The following CSMD1 variants were observed in gnomAD, a reference collection of about 807,000 sequenced individuals.
CSMD1 encodes CUB and sushi domain-containing protein 1.
In CSMD1, 213 loss-of-function variants were observed where a neutral mutation model predicts 417.5. The observed-to-expected ratio is 0.51, with a 90% CI of 0.46 to 0.57. CSMD1 has a LOEUF of 0.57. Among genes scored for constraint, CSMD1 ranks in the 20% least tolerant of loss-of-function variants. The pLI is 0.00. For synonymous variants in CSMD1, 2,862 were observed against 1,736.8 expected (o/e 1.65, Z -16.11); for missense variants, 6,923 against 4,529.7 (o/e 1.53, Z -15.17).
chr8:4,455,624 G>A (rs1585105970), intron 2 of CSMD1, among the ~76,000 whole-genome samples: 1 of 151,846 alleles, frequency 6.6e-6, no homozygotes, highest in Admixed American at 6.6e-5. Flanking sequence ...TCTCTTTCAG[G>A]AGGAAAAACA....
At chr8:3,724,937 C>T (rs946879146) in intron 6 of CSMD1, among the ~76,000 whole-genome samples, 1 of 152,166 alleles carries the variant, frequency 6.6e-6, no homozygotes, top group Non-Finnish European at 1.5e-5. Flanking sequence ...TGTACAAATT[C>T]TTTTTAAAAT....
intron 3 of CSMD1, among the ~76,000 whole-genome samples, chr8:4,199,073 G>T (rs933914819): frequency 3.9e-5 from 6 of 152,034 alleles, no homozygotes; most frequent in African/African-American, 1.4e-4. Context: ...AACCCCTGAG[G>T]TAGTAGAGCC....
chr8:2,989,620 C>A (rs1486112572), intron 54 of CSMD1, among the ~76,000 whole-genome samples: 1 of 152,102 alleles, frequency 6.6e-6, no homozygotes, highest in Non-Finnish European at 1.5e-5. Context: ...TTAAGCTGTG[C>A]AACAGACATG....
At chr8:3,842,377 TAAAC>T (rs1158864665) in intron 5 of CSMD1, among the ~76,000 whole-genome samples, 4 of 150,030 alleles carry the variant, frequency 2.7e-5, no homozygotes, top group Non-Finnish European at 5.9e-5. Flanking sequence ...AATGTATACT[TAAAC>T]AAAAATCCTG....
chr8:3,103,399 G>A (rs557391655), intron 46 of CSMD1, among the ~76,000 whole-genome samples: 2 of 152,124 alleles, frequency 1.3e-5, no homozygotes, highest in Non-Finnish European at 2.9e-5. Flanking sequence ...AAGCCATATG[G>A]TGTAGCCTAT....
chr8:3,330,989 G>A (rs907661867), intron 23 of CSMD1, among the ~76,000 whole-genome samples: 10 of 152,092 alleles, frequency 6.6e-5, no homozygotes, highest in Non-Finnish European at 1.5e-4. Flanking sequence ...GGTGGCTCAC[G>A]CCTGTAATCC....
chr8:4,700,189 T>C lies in CSMD1; in HGVS notation c.86-62631A>G, dbSNP rs552429118. On this transcript the variant is annotated intron_variant, in intron 1 of 69. Coordinates refer to ENST00000635120, the MANE Select transcript of CSMD1 (RefSeq NM_033225.6). The stretch of plus-strand genomic sequence containing the variant: ...TTCAGTTCATGTTTATGAAACAAAA[T>C]CTTGAAATCTTAGAAAAATAATAAA... 4.6e-5 allele frequency among the ~76,000 whole-genome samples: 7 copies of C among 152,220 alleles called. No homozygotes were observed. The South Asian group carries it at 1.5e-3, about 32-fold the overall frequency.
At chr8:3,701,462 G>A (rs987013920) in intron 7 of CSMD1, among the ~76,000 whole-genome samples, 9 of 151,998 alleles carry the variant, frequency 5.9e-5, no homozygotes, top group African/African-American at 2.2e-4. Flanking sequence ...GCTAAACTCA[G>A]AGGCTGACAT....
rs559110679 is a variant in CSMD1, at chr8:4,513,257, G to A, written c.303-93192C>T. Among the ~76,000 whole-genome samples the A allele has an allele frequency of 1.1e-3, 167 of 152,234 alleles. 1 individual carries two copies. Among genetic ancestry groups the A allele is most frequent in the African/African-American group, 3.9e-3 (162 of 41,548 alleles). On this transcript the variant is annotated intron_variant, in intron 2 of 69. Coordinates refer to ENST00000635120, the MANE Select transcript of CSMD1 (RefSeq NM_033225.6). ...GATCCTGTATGTGTGGGGACAGGGG[G>A]TATATAAATTTTTTTTAACCTTCCC...
intron 48 of CSMD1, among the ~76,000 whole-genome samples, chr8:3,088,131 G>C (rs1301193054): frequency 1.3e-5 from 2 of 152,148 alleles, no homozygotes; most frequent in Non-Finnish European, 2.9e-5. Flanking sequence ...TTTGTAAGGA[G>C]ACATTTTAAA....
intron 18 of CSMD1, chr8:3,373,869 G>A (rs1310856287): frequency 6.6e-6 from 1 of 151,956 alleles, no homozygotes; most frequent in Non-Finnish European, 1.5e-5. Context: ...GGAGGACTAA[G>A]ATATGCAGAA....
chr8:4,768,824 C>G (rs1230244318), intron 1 of CSMD1, among the ~76,000 whole-genome samples: 1 of 152,132 alleles, frequency 6.6e-6, no homozygotes, highest in Non-Finnish European at 1.5e-5. Context: ...GAAATAGAAG[C>G]AGTTATTATT....
chr8:3,765,819 C>T (rs955670036), intron 5 of CSMD1, among the ~76,000 whole-genome samples: 1 of 152,138 alleles, frequency 6.6e-6, no homozygotes, highest in Non-Finnish European at 1.5e-5. Context: ...TCTCAGGAAT[C>T]CAGTGGGGAC....
Position 3,955,537 on chromosome 8 carries a change from G to C in CSMD1, c.818+42366C>G, listed in dbSNP as rs538435279. On this transcript the variant is annotated intron_variant, in intron 5 of 69. Coordinates refer to ENST00000635120, the MANE Select transcript of CSMD1 (RefSeq NM_033225.6). The stretch of plus-strand genomic sequence containing the variant: ...AGCCAACCTCTAATAAGTCAGTAGA[G>C]GATTTGGCGTCTGAAAAAATGTTTA... Among the ~76,000 whole-genome samples, 5 of 152,266 alleles carry C rather than the reference G, an allele frequency of 3.3e-5. No homozygotes were observed. In the East Asian group the frequency reaches 7.7e-4, roughly 24 times the overall value.
intron 3 of CSMD1, among the ~76,000 whole-genome samples, chr8:4,319,822 C>T (rs1238887440): frequency 6.6e-6 from 1 of 152,038 alleles, no homozygotes; most frequent in Admixed American, 6.6e-5. Flanking sequence ...AGAGGACCCT[C>T]GGGGTCTTCA....
chr8:4,019,216 G>A lies in CSMD1; in HGVS notation c.610+12689C>T, dbSNP rs568172568. On this transcript the variant is annotated intron_variant, in intron 4 of 69. Coordinates refer to ENST00000635120, the MANE Select transcript of CSMD1 (RefSeq NM_033225.6). ...TTTATTATGGACAATAAACCTGAGAGAGGCTCCTGGCTGAGTTAGGTCAGA... is the reference window on the plus strand; with the variant it reads ...TTTATTATGGACAATAAACCTGAGAAAGGCTCCTGGCTGAGTTAGGTCAGA... Among the ~76,000 whole-genome samples, 14 of 152,308 alleles carry A rather than the reference G, an allele frequency of 9.2e-5. No individual in the cohort carries two copies. The South Asian group carries it at 2.3e-3, about 25-fold the overall frequency.
At chr8:3,152,723 T>A (rs1166953804) in intron 39 of CSMD1, among the ~76,000 whole-genome samples, 2 of 152,200 alleles carry the variant, frequency 1.3e-5, no homozygotes, top group Non-Finnish European at 2.9e-5. Context: ...TTGGACACCA[T>A]CAACTGTGTT....
intron 7 of CSMD1, among the ~76,000 whole-genome samples, chr8:3,625,937 T>G (rs994777098): frequency 4.6e-5 from 7 of 152,210 alleles, no homozygotes; most frequent in African/African-American, 1.7e-4. Context: ...AGAAAATGTT[T>G]TCCTTATAAA....
chr8:3,689,842 A>T (rs117091009), intron 7 of CSMD1, among the ~76,000 whole-genome samples: 1 of 152,240 alleles, frequency 6.6e-6, no homozygotes, highest in African/African-American at 2.4e-5. Flanking sequence ...GGGCTCAGAA[A>T]GAACATGAGC....
Sources: gnomAD v4.1 joint callset for allele counts (sites outside exome capture counted in the v4.1 genomes callset) on GRCh38, gnomAD v4.1.1 for gene constraint, MANE v1.5 for transcripts, NCBI Gene and HGNC (gene_info 2026-07-23, HGNC 2026-07-21) for gene names.